Variants in MSR1 observed in about 807,000 individuals in gnomAD.
The protein encoded by MSR1 is macrophage scavenger receptor types I and II.
Under a neutral mutation model 47.2 loss-of-function variants are expected in MSR1, and 53 were observed. That is an observed-to-expected ratio of 1.12 (90% confidence interval 0.90 to 1.41). MSR1 has a LOEUF of 1.41. Ranked by LOEUF, MSR1 falls within the 40% of genes most tolerant of loss-of-function variation. MSR1 has a pLI of 0.00. For missense variants in MSR1, 786 were observed against 546.9 expected (o/e 1.44, Z -4.36); for synonymous variants, 239 against 185.6 (o/e 1.29, Z -2.34).
At chr8:16,159,786 A>T (rs916676228) in intron 5 of MSR1, among the ~76,000 whole-genome samples, 5 of 152,084 alleles carry the variant, frequency 3.3e-5, no homozygotes, top group African/African-American at 1.2e-4. Context: ...AATGTTCCAT[A>T]TTAAGACAGA....
At chr8:16,151,782 C>T (rs1254483204) in intron 6 of MSR1, among the ~76,000 whole-genome samples, 1 of 152,090 alleles carries the variant, frequency 6.6e-6, no homozygotes, top group East Asian at 1.9e-4. Context: ...ATTCACATGT[C>T]CTAGGTGTCC....
chr8:16,116,242 A>T (rs78487557), intron 9 of MSR1, among the ~76,000 whole-genome samples: 1 of 152,198 alleles, frequency 6.6e-6, no homozygotes, highest in Non-Finnish European at 1.5e-5. Context: ...CAAATCTGCC[A>T]GGTCAGTATT....
intron 8 of MSR1, among the ~76,000 whole-genome samples, chr8:16,133,544 T>C (rs993378143): frequency 2.6e-5 from 4 of 152,120 alleles, no homozygotes; most frequent in African/African-American, 9.7e-5. Context: ...AATACTCTCA[T>C]AGTAAGCCTA....
chr8:16,165,327 A>G (rs889741827), intron 4 of MSR1, among the ~76,000 whole-genome samples: 6 of 152,154 alleles, frequency 3.9e-5, no homozygotes, highest in Admixed American at 3.3e-4. Context: ...AAGAGTAGGT[A>G]CATAGCAAAT....
chr8:16,128,202 C>T (rs568886429), intron 8 of MSR1, among the ~76,000 whole-genome samples: 1 of 152,256 alleles, frequency 6.6e-6, no homozygotes, highest in South Asian at 2.1e-4. Context: ...TGCAGAGATC[C>T]TGCCCACAGA....
chr8:16,158,661 T>A (rs1801078109), intron 5 of MSR1, among the ~76,000 whole-genome samples: 1 of 151,938 alleles, frequency 6.6e-6, no homozygotes, highest in Non-Finnish European at 1.5e-5. Flanking sequence ...TGCTCATTGA[T>A]TTAGATATGT....
chr8:16,161,499 T>C (rs1234719549), intron 5 of MSR1, among the ~76,000 whole-genome samples: 1 of 152,032 alleles, frequency 6.6e-6, no homozygotes, highest in East Asian at 1.9e-4. Flanking sequence ...ATACTATATA[T>C]GATATGTGTT....
intron 8 of MSR1, among the ~76,000 whole-genome samples, chr8:16,125,044 A>T (rs910800024): frequency 2.6e-5 from 4 of 152,080 alleles, no homozygotes; most frequent in African/African-American, 9.7e-5. Context: ...ATGGAAAAAA[A>T]CCCATATGGC....
chr8:16,121,110 A>G, intron 8 of MSR1: 1 of 404,672 alleles, frequency 2.5e-6, no homozygotes, highest in Non-Finnish European at 4.8e-6. Flanking sequence ...CCCAAGGGAA[A>G]CAAGGGAACT....
At chr8:16,171,604 A>G (rs937147448) in intron 3 of MSR1, among the ~76,000 whole-genome samples, 1 of 152,176 alleles carries the variant, frequency 6.6e-6, no homozygotes, top group Non-Finnish European at 1.5e-5. Flanking sequence ...ATTCTTATAT[A>G]CTATGTGGAA....
intron 1 of MSR1, among the ~76,000 whole-genome samples, chr8:16,183,341 T>C (rs938846466): frequency 1.3e-5 from 2 of 151,834 alleles, no homozygotes; most frequent in African/African-American, 2.4e-5. Context: ...CTCTGAACTC[T>C]GAACGAGTAG....
chr8:16,167,091 C>T (rs189796075), intron 4 of MSR1, among the ~76,000 whole-genome samples: 1 of 152,266 alleles, frequency 6.6e-6, no homozygotes, highest in African/African-American at 2.4e-5. Flanking sequence ...CTGGAATTCC[C>T]TCCAAAATTT....
intron 1 of MSR1, among the ~76,000 whole-genome samples, chr8:16,181,372 TA>T (rs1801826358): frequency 6.6e-6 from 1 of 152,076 alleles, no homozygotes; most frequent in African/African-American, 2.4e-5. Flanking sequence ...TCTTGAATTT[TA>T]ATGATCGCCA....
chr8:16,149,739 G>C (rs1412649871), intron 7 of MSR1, among the ~76,000 whole-genome samples: 2 of 152,060 alleles, frequency 1.3e-5, no homozygotes. Context: ...TTTTGCAGAG[G>C]ATAGGATTTC....
intron 8 of MSR1, among the ~76,000 whole-genome samples, chr8:16,136,282 C>A (rs1217983859): frequency 6.6e-6 from 1 of 152,170 alleles, no homozygotes; most frequent in African/African-American, 2.4e-5. Context: ...TCTTCAGCAA[C>A]CATCACGCTG....
intron 8 of MSR1, chr8:16,121,106 G>A: frequency 2.5e-6 from 1 of 398,534 alleles, no homozygotes. Context: ...TTTTCCCAAG[G>A]GAAACAAGGG....
At chr8:16,174,436 A>G (rs1801581379) in intron 3 of MSR1, among the ~76,000 whole-genome samples, 1 of 152,160 alleles carries the variant, frequency 6.6e-6, no homozygotes, top group Admixed American at 6.5e-5. Flanking sequence ...TACGCGGGGA[A>G]TAATATTTAC....
chr8:16,144,724 T>A (rs2117117724), intron 7 of MSR1, among the ~76,000 whole-genome samples: 1 of 152,226 alleles, frequency 6.6e-6, no homozygotes, highest in Non-Finnish European at 1.5e-5. Flanking sequence ...TTAAGCACTT[T>A]GCCCATAAAA....
chr8:16,165,419 A>C (rs953124517), intron 4 of MSR1, among the ~76,000 whole-genome samples: 1 of 151,962 alleles, frequency 6.6e-6, no homozygotes, highest in African/African-American at 2.4e-5. Context: ...ATGTTTATTA[A>C]TTTTTCTTTT....
Sources: gnomAD v4.1 joint callset for allele counts (sites outside exome capture counted in the v4.1 genomes callset) on GRCh38, gnomAD v4.1.1 for gene constraint, MANE v1.5 for transcripts, NCBI Gene and HGNC (gene_info 2026-07-23, HGNC 2026-07-21) for gene names.